The following CFAP77 variants were observed in gnomAD, a reference collection of about 807,000 sequenced individuals.
CFAP77 encodes cilia and flagella associated protein 77, also known as cilia- and flagella-associated protein 77.
In CFAP77, 25 loss-of-function variants were observed where a neutral mutation model predicts 31.1. The ratio of observed to expected loss-of-function variants is 0.80; its 90% confidence interval spans 0.59 to 1.12. The LOEUF (loss-of-function observed/expected upper bound fraction) is 1.12. CFAP77 is among the 50% of genes most tolerant of loss of function. The probability of loss-of-function intolerance (pLI) is 0.00; values close to 1 mark genes in which losing one functional copy is unlikely to be tolerated. For synonymous variants in CFAP77, 151 were observed against 159.9 expected, an observed-to-expected ratio of 0.94 and a Z score of 0.42; for missense variants, 377 against 397.3, an observed-to-expected ratio of 0.95 and a Z score of 0.44.
At chr9:132,437,074 T>C (rs569505895) in intron 1 of CFAP77, among the ~76,000 whole-genome samples, 2 of 152,300 alleles carry the variant, frequency 1.3e-5, no homozygotes, top group Non-Finnish European at 2.9e-5. Flanking sequence ...TTTCGCACCC[T>C]GTGTATCATC....
intron 1 of CFAP77, among the ~76,000 whole-genome samples, chr9:132,457,389 C>T (rs1459359224): frequency 6.6e-6 from 1 of 152,182 alleles, no homozygotes; most frequent in Non-Finnish European, 1.5e-5. Flanking sequence ...AGGAATAGCT[C>T]GACTGTGTCA....
chr9:132,538,489 T>A (rs1384874231), intron 4 of CFAP77, among the ~76,000 whole-genome samples: 2 of 152,204 alleles, frequency 1.3e-5, no homozygotes, highest in African/African-American at 4.8e-5. Context: ...GTCATACACA[T>A]GTGAAAATAC....
intron 3 of CFAP77, among the ~76,000 whole-genome samples, chr9:132,508,206 G>T (rs1032936795): frequency 6.6e-6 from 1 of 152,110 alleles, no homozygotes; most frequent in Non-Finnish European, 1.5e-5. Flanking sequence ...TGTGATCCCC[G>T]CCCCCCGCGC....
Position 132,480,252 on chromosome 9 carries a change from T to TGCCC in CFAP77, c.196-18442_196-18439dup, listed in dbSNP as rs1450918878. On this transcript the variant is annotated intron_variant, in intron 1 of 5. Transcript: ENST00000393216. This position sits in a 1 kb window ranked among gnomAD's most constrained non-coding sequence, Gnocchi z 5.8. ...GAGGTGGGAAACTGCTCAGCTCCCC[T>TGCCC]GCCCACCCACCCTGCTCTGGGTCCA... Among the ~76,000 whole-genome samples the TGCCC allele has an allele frequency of 1.4e-5, 2 of 145,408 alleles. No homozygotes were observed. Among genetic ancestry groups the TGCCC allele is most frequent in the African/African-American group, 4.9e-5 (2 of 40,440 alleles).
intron 5 of CFAP77, among the ~76,000 whole-genome samples, chr9:132,556,632 G>C (rs1184849958): frequency 6.6e-6 from 1 of 152,186 alleles, no homozygotes; most frequent in Non-Finnish European, 1.5e-5. Context: ...GCTTGGGGGA[G>C]CCGGGCTGAC....
intron 1 of CFAP77, among the ~76,000 whole-genome samples, chr9:132,448,343 G>A (rs1281662760): frequency 1.3e-5 from 2 of 152,128 alleles, no homozygotes; most frequent in East Asian, 3.9e-4. Context: ...CACTGCTGAG[G>A]CCTTTCTCTT....
At chr9:132,484,954 T>C (rs1851513855) in intron 1 of CFAP77, among the ~76,000 whole-genome samples, 2 of 152,058 alleles carry the variant, frequency 1.3e-5, no homozygotes, top group Admixed American at 1.3e-4. Context: ...GTTCAAGCGA[T>C]TCTCCCGCCT....
At chr9:132,423,321 T>C (rs557913317) in intron 1 of CFAP77, among the ~76,000 whole-genome samples, 1 of 152,168 alleles carries the variant, frequency 6.6e-6, no homozygotes, top group Non-Finnish European at 1.5e-5. Context: ...AGTGGGAGGA[T>C]GAGGAAGAGG....
chr9:132,513,505 C>A, intron 3 of CFAP77: 1 of 887,708 alleles, frequency 1.1e-6, no homozygotes, highest in Admixed American at 3.1e-5. Flanking sequence ...ACCCAGCGTG[C>A]CCAGTTTTGC....
chr9:132,513,155 T>G (rs1852070880), intron 3 of CFAP77: 2 of 1,248,530 alleles, frequency 1.6e-6, no homozygotes, highest in Non-Finnish European at 2.2e-6. Flanking sequence ...AAGCACACAA[T>G]CCAATTCTAC....
At chr9:132,562,485 A>G (rs1468561729) in intron 5 of CFAP77, among the ~76,000 whole-genome samples, 1 of 152,106 alleles carries the variant, frequency 6.6e-6, no homozygotes, top group East Asian at 1.9e-4. Flanking sequence ...TTTTTTTCAT[A>G]TCAAGGAAAT....
rs1851450306 is a variant in CFAP77 at position 132,481,832 on chromosome 9, A to G, written c.196-16863A>G. On this transcript the variant is annotated intron_variant, in intron 1 of 5. Coordinates refer to ENST00000393216, the MANE Select transcript of CFAP77 (RefSeq NM_001282957.2). The surrounding 1 kb of genome is among the most constrained non-coding windows in gnomAD (Gnocchi z 5.0). ...GTTAAACTCCTTCTCATTTATTACA[A>G]TACCACTTTTTATTGACATGGAAAT... Among the ~76,000 whole-genome samples, 1 of 152,174 alleles carries G rather than the reference A, an allele frequency of 6.6e-6. No individual in the cohort carries two copies. The highest frequency in any genetic ancestry group is 1.5e-5 in the Non-Finnish European group (1 of 68,048).
At chr9:132,508,131 A>G (rs1851966810) in intron 3 of CFAP77, among the ~76,000 whole-genome samples, 1 of 152,036 alleles carries the variant, frequency 6.6e-6, no homozygotes. Context: ...AGAAGCAAAG[A>G]GAGAGTCCAT....
At chr9:132,462,709 AG>A (rs1851073804) in intron 1 of CFAP77, among the ~76,000 whole-genome samples, 1 of 152,126 alleles carries the variant, frequency 6.6e-6, no homozygotes, top group South Asian at 2.1e-4. Context: ...CCAGCTACTC[AG>A]GAGGCTGAGG....
chr9:132,513,119 G>A (rs1349589692), intron 3 of CFAP77: 12 of 833,138 alleles, frequency 1.4e-5, no homozygotes, highest in African/African-American at 6.8e-5. Flanking sequence ...TAATCACATC[G>A]TGGAGAATGG....
intron 1 of CFAP77, among the ~76,000 whole-genome samples, chr9:132,417,059 G>T (rs146424364): frequency 6.6e-6 from 1 of 151,824 alleles, no homozygotes. Context: ...GAAGACCACA[G>T]TATAAATGAG....
chr9:132,516,590 TACAC>T (rs34683089), intron 3 of CFAP77, among the ~76,000 whole-genome samples: 54 of 145,034 alleles, frequency 3.7e-4, no homozygotes, highest in South Asian at 2.5e-3. Flanking sequence ...CACACAGAAA[TACAC>T]ACACACACAC....
chr9:132,561,604 T>TACACACACACACACACAC (rs61039438), intron 5 of CFAP77, among the ~76,000 whole-genome samples: 1 of 111,486 alleles, frequency 9.0e-6, no homozygotes, highest in Non-Finnish European at 1.8e-5. Flanking sequence ...GAGGTGCATG[T>TACACACACACACACACAC]ACACACACAC....
intron 1 of CFAP77, among the ~76,000 whole-genome samples, chr9:132,447,033 G>A (rs904928776): frequency 6.6e-6 from 1 of 152,164 alleles, no homozygotes; most frequent in Non-Finnish European, 1.5e-5. Flanking sequence ...GGGATTACAG[G>A]TGTGAGCCAC....
Sources: allele counts gnomAD v4.1 joint callset (sites outside exome capture counted in the v4.1 genomes callset), GRCh38; gene constraint gnomAD v4.1.1; non-coding constraint Gnocchi (gnomAD v3.1); transcripts MANE v1.5; gene names NCBI Gene and HGNC (gene_info 2026-07-23, HGNC 2026-07-21).